Variants in EFCAB8 observed in about 807,000 individuals in gnomAD.
The protein encoded by EFCAB8 is EF-hand calcium binding domain 8.
A neutral mutation model predicts 116.3 loss-of-function variants in EFCAB8; 100 were observed. That is an observed-to-expected ratio of 0.86 (90% CI 0.73 to 1.02). The LOEUF (loss-of-function observed/expected upper bound fraction) is 1.02, where lower values mean the gene tolerates loss of function less well. Among genes scored for constraint, EFCAB8 ranks in the 50% least tolerant of loss-of-function variants. The probability of loss-of-function intolerance (pLI) is 0.00; values close to 1 mark genes in which losing one functional copy is unlikely to be tolerated. For missense variants in EFCAB8, 1,320 were observed against 1,416.9 expected (o/e 0.93, Z 1.10); for synonymous variants, 558 against 567.9 (o/e 0.98, Z 0.25).
chr20:32,933,705 T>C (rs540300015), intron 22 of EFCAB8, among the ~76,000 whole-genome samples: 67 of 152,100 alleles, frequency 4.4e-4, no homozygotes, highest in Non-Finnish European at 8.5e-4. Context: ...TTGGCCGGGC[T>C]CAGTGGCTCA....
chr20:32,885,727 C>T, intron 6 of EFCAB8, 87 bp downstream of exon 6: 1 of 1,490,090 alleles, frequency 6.7e-7, no homozygotes, highest in South Asian at 1.3e-5. Context: ...GACCTGGAGC[C>T]AGGCAGATTC....
At chr20:32,868,734 C>T (rs915479307) in intron 3 of EFCAB8, among the ~76,000 whole-genome samples, 1 of 152,090 alleles carries the variant, frequency 6.6e-6, no homozygotes, top group Admixed American at 6.6e-5. Flanking sequence ...CCTCTAATCC[C>T]AACAGTTTGA....
At chr20:32,954,505 G>A (rs1988901532) in intron 23 of EFCAB8, among the ~76,000 whole-genome samples, 1 of 152,130 alleles carries the variant, frequency 6.6e-6, no homozygotes, top group Non-Finnish European at 1.5e-5. Context: ...TTTTATGCCT[G>A]TACCACACTG....
In EFCAB8 at chr20:32,914,425, A is replaced by G. The variant is rs532741425; in HGVS notation, c.1856+1561A>G. Among the ~76,000 whole-genome samples the G allele has an allele frequency of 2.6e-5, 4 of 152,358 alleles. No homozygotes were observed. In the East Asian group the frequency reaches 7.7e-4, roughly 29 times the overall value. On this transcript the variant is annotated intron_variant, in intron 17 of 26. Transcript: ENST00000400522. ...TGGCTTCTGTTGGGTTGGCTGATCC[A>G]TACTAATCTCATCAAACAGTGCTTG...
intron 2 of EFCAB8, among the ~76,000 whole-genome samples, chr20:32,865,396 G>T (rs960185953): frequency 1.3e-5 from 2 of 152,086 alleles, no homozygotes; most frequent in East Asian, 1.9e-4. Context: ...CATGGTGCAT[G>T]CTTGAAACTA....
At chr20:32,882,880 A>G (rs1434970780) in intron 5 of EFCAB8, among the ~76,000 whole-genome samples, 2 of 152,108 alleles carry the variant, frequency 1.3e-5, no homozygotes, top group Admixed American at 1.3e-4. Flanking sequence ...CATTTTTAGT[A>G]GAGACGGGGT....
chr20:32,923,403 T>C (rs1458392464), intron 20 of EFCAB8, among the ~76,000 whole-genome samples: 1 of 151,824 alleles, frequency 6.6e-6, no homozygotes, highest in African/African-American at 2.4e-5. Context: ...GGAGAATTGA[T>C]TGAACCCGGG....
chr20:32,883,349 G>A (rs913736238), intron 5 of EFCAB8, among the ~76,000 whole-genome samples: 4 of 152,144 alleles, frequency 2.6e-5, no homozygotes, highest in Non-Finnish European at 5.9e-5. Context: ...GCCGGGAGGC[G>A]CTTACAGGCT....
At chr20:32,914,546 C>G (rs1160556852) in intron 17 of EFCAB8, among the ~76,000 whole-genome samples, 4 of 152,182 alleles carry the variant, frequency 2.6e-5, no homozygotes. Flanking sequence ...TTAATTGACT[C>G]ACAGTTGTGC....
At chr20:32,935,977 A>G (rs745546685) in intron 22 of EFCAB8, among the ~76,000 whole-genome samples, 15 of 151,590 alleles carry the variant, frequency 9.9e-5, no homozygotes, top group Non-Finnish European at 1.9e-4. Flanking sequence ...AAAGCTTTGT[A>G]TCTTGTCTAA....
chr20:32,913,136 T>A (rs1311227643), intron 17 of EFCAB8, among the ~76,000 whole-genome samples: 1 of 152,226 alleles, frequency 6.6e-6, no homozygotes, highest in African/African-American at 2.4e-5. Flanking sequence ...AGTGGGGGAA[T>A]GTCTTAGTCC....
intron 11 of EFCAB8, among the ~76,000 whole-genome samples, chr20:32,902,026 T>C (rs1355410732): frequency 2.0e-5 from 3 of 152,224 alleles, no homozygotes; most frequent in Admixed American, 1.3e-4. Flanking sequence ...ATATTTTCAT[T>C]ATAAAATGTT....
At chr20:32,927,736 A>C (rs1459007429) in intron 20 of EFCAB8, among the ~76,000 whole-genome samples, 1 of 152,090 alleles carries the variant, frequency 6.6e-6, no homozygotes, top group Non-Finnish European at 1.5e-5. Context: ...TGCTGCCCAC[A>C]TTTTGTACAG....
At chr20:32,934,895 A>G (rs1299842986) in intron 22 of EFCAB8, among the ~76,000 whole-genome samples, 3 of 152,184 alleles carry the variant, frequency 2.0e-5, no homozygotes, top group Non-Finnish European at 4.4e-5. Flanking sequence ...TATTAGCAGC[A>G]TGAGAACAGA....
chr20:32,893,570 C>T (rs529604269), intron 9 of EFCAB8, among the ~76,000 whole-genome samples: 2 of 152,272 alleles, frequency 1.3e-5, no homozygotes, highest in African/African-American at 4.8e-5. Flanking sequence ...CAGGACACTT[C>T]TCACCCCAGC....
At chr20:32,902,722 T>A (rs1986486373) in intron 11 of EFCAB8, among the ~76,000 whole-genome samples, 1 of 152,202 alleles carries the variant, frequency 6.6e-6, no homozygotes, top group African/African-American at 2.4e-5. Context: ...TTAGGGCATA[T>A]CCTCTGCGGG....
intron 20 of EFCAB8, among the ~76,000 whole-genome samples, chr20:32,924,396 G>A (rs748623709): frequency 4.6e-5 from 7 of 152,144 alleles, no homozygotes; most frequent in African/African-American, 7.2e-5. Context: ...CCATCAAACA[G>A]CCCTGGGAAG....
rs765704315 is a variant in EFCAB8 at position 32,920,788 on chromosome 20, G to A, written c.2412+573G>A. Among the ~76,000 whole-genome samples, 96 of 152,226 alleles carry A rather than the reference G, an allele frequency of 6.3e-4. 2 individuals are homozygous for A. Among genetic ancestry groups the A allele is most frequent in the South Asian group, 3.1e-3 (15 of 4,822 alleles). Reference sequence around the variant, plus strand: ...GCTCCCAAGGAGGTGGAGTTGGGGTGCCTAGGGAAGTGAGCAGTGTCCCCT... The same window carrying A: ...GCTCCCAAGGAGGTGGAGTTGGGGTACCTAGGGAAGTGAGCAGTGTCCCCT... On this transcript the variant is annotated intron_variant, in intron 20 of 26. Coordinates refer to ENST00000400522, the MANE Select transcript of EFCAB8 (RefSeq NM_001143967.2).
intron 11 of EFCAB8, among the ~76,000 whole-genome samples, chr20:32,899,820 C>T (rs766323249): frequency 2.6e-5 from 4 of 152,098 alleles, no homozygotes; most frequent in Non-Finnish European, 4.4e-5. Context: ...GTTATCAGCC[C>T]GCCTCGGCCT....
Sources: gnomAD v4.1 joint callset for allele counts (sites outside exome capture counted in the v4.1 genomes callset) on GRCh38, gnomAD v4.1.1 for gene constraint, MANE v1.5 for transcripts, NCBI Gene and HGNC (gene_info 2026-07-23, HGNC 2026-07-21) for gene names.